The following SYNDIG1 variants were observed in gnomAD, a reference collection of about 807,000 sequenced individuals.
SYNDIG1 encodes the protein synapse differentiation inducing 1.
Under a neutral mutation model 19.4 loss-of-function variants are expected in SYNDIG1, and 9 were observed. The ratio of observed to expected loss-of-function variants is 0.46; its 90% CI spans 0.28 to 0.81. The LOEUF (loss-of-function observed/expected upper bound fraction) is 0.81. Among genes scored for constraint, SYNDIG1 ranks in the 30% least tolerant of loss-of-function variants. SYNDIG1 has a pLI of 0.12. For synonymous variants in SYNDIG1, 141 were observed against 145.9 expected (o/e 0.97, Z 0.24); for missense variants, 311 against 343.3 (o/e 0.91, Z 0.74).
intron 2 of SYNDIG1, among the ~76,000 whole-genome samples, chr20:24,547,335 G>A (rs2057599748): frequency 6.6e-6 from 1 of 152,232 alleles, no homozygotes; most frequent in Admixed American, 6.5e-5. Context: ...AAGGGCATGT[G>A]GAGCGTTCAG....
At chr20:24,584,669 C>T (rs1433147473) in intron 2 of SYNDIG1, among the ~76,000 whole-genome samples, 187 bp from the exon 3 acceptor site, 1 of 152,232 alleles carries the variant, frequency 6.6e-6, no homozygotes, top group African/African-American at 2.4e-5. Context: ...TTTCCTTGGC[C>T]TGGCTGCCCT....
At position 24,639,193 on chromosome 20, in the gene SYNDIG1, G is replaced by A. The variant is rs570327430; in HGVS notation, c.619-26153G>A. On this transcript the variant is annotated intron_variant, in intron 3 of 3. Coordinates refer to ENST00000376862, the MANE Select transcript of SYNDIG1 (RefSeq NM_024893.3). Reference sequence around the variant, plus strand: ...AAATGCTCCCAGAGTGAGGTAAGACGCAGGCAGGGAGAACGTGACAGGCTC... The same window carrying A: ...AAATGCTCCCAGAGTGAGGTAAGACACAGGCAGGGAGAACGTGACAGGCTC... Among the ~76,000 whole-genome samples the A allele has an allele frequency of 3.3e-5, 5 of 152,340 alleles. No individual in the cohort carries two copies. The South Asian group carries it at 6.2e-4, about 19-fold the overall frequency.
intron 2 of SYNDIG1, among the ~76,000 whole-genome samples, chr20:24,558,613 A>G (rs971231901): frequency 5.3e-5 from 8 of 152,060 alleles, no homozygotes; most frequent in African/African-American, 1.7e-4. Context: ...TTGTTTCTCT[A>G]CTTCTTCTTA....
At chr20:24,498,088 G>A (rs1385338185) in intron 1 of SYNDIG1, among the ~76,000 whole-genome samples, 1 of 152,196 alleles carries the variant, frequency 6.6e-6, no homozygotes, top group Non-Finnish European at 1.5e-5. Context: ...TGATCTCACA[G>A]CCCAGCCTTT....
chr20:24,637,313 C>T (rs545549570), intron 3 of SYNDIG1, among the ~76,000 whole-genome samples: 11 of 152,310 alleles, frequency 7.2e-5, no homozygotes, highest in Admixed American at 3.3e-4. Context: ...TGGTAATTTA[C>T]GATTCCTTCC....
intron 3 of SYNDIG1, among the ~76,000 whole-genome samples, chr20:24,591,257 G>A (rs2058507818): frequency 6.6e-6 from 1 of 152,092 alleles, no homozygotes; most frequent in Admixed American, 6.5e-5. Flanking sequence ...AGCTGAGCGT[G>A]GTGGCTCATG....
chr20:24,524,589 T>G (rs1411706812), intron 1 of SYNDIG1, among the ~76,000 whole-genome samples: 1 of 150,248 alleles, frequency 6.7e-6, no homozygotes, highest in African/African-American at 2.5e-5. Flanking sequence ...GAGCTTACAG[T>G]GAGCTGAGAT....
intron 1 of SYNDIG1, among the ~76,000 whole-genome samples, chr20:24,542,329 T>G (rs1040293230): frequency 6.6e-6 from 1 of 152,238 alleles, no homozygotes; most frequent in African/African-American, 2.4e-5. Flanking sequence ...CCTCCTCAGC[T>G]TTAATGTGCA....
At chr20:24,495,273 C>G (rs1254681407) in intron 1 of SYNDIG1, 1 of 152,266 alleles carries the variant, frequency 6.6e-6, no homozygotes, top group Non-Finnish European at 1.5e-5. Context: ...CCTCAGCTCA[C>G]TTCTGACCTG....
intron 3 of SYNDIG1, among the ~76,000 whole-genome samples, chr20:24,619,413 T>C (rs1200079131): frequency 6.6e-6 from 1 of 152,256 alleles, no homozygotes; most frequent in East Asian, 1.9e-4. Flanking sequence ...GTTGCTGTTA[T>C]GAAAGGAGCT....
chr20:24,626,784 C>T (rs546196245), intron 3 of SYNDIG1, among the ~76,000 whole-genome samples: 16 of 152,302 alleles, frequency 1.1e-4, no homozygotes, highest in African/African-American at 3.6e-4. Context: ...AGCCTGGGCA[C>T]CATTGAGCAC....
intron 1 of SYNDIG1, among the ~76,000 whole-genome samples, chr20:24,538,625 A>G (rs1277417040): frequency 2.0e-5 from 3 of 152,120 alleles, no homozygotes; most frequent in Non-Finnish European, 2.9e-5. Flanking sequence ...CCAGAAGTGG[A>G]ATTTCTGGAC....
At chr20:24,522,337 C>A (rs909529382) in intron 1 of SYNDIG1, among the ~76,000 whole-genome samples, 9 of 152,180 alleles carry the variant, frequency 5.9e-5, no homozygotes, top group African/African-American at 2.2e-4. Context: ...GCGATCCTCC[C>A]ACCTTTGCCT....
At chr20:24,480,804 A>C (rs2055775965) in intron 1 of SYNDIG1, among the ~76,000 whole-genome samples, 1 of 152,218 alleles carries the variant, frequency 6.6e-6, no homozygotes, top group African/African-American at 2.4e-5. Flanking sequence ...TTGAAAAGAA[A>C]AGAAATTCTG....
chr20:24,564,195 A>G (rs2057998669), intron 2 of SYNDIG1, among the ~76,000 whole-genome samples: 1 of 152,196 alleles, frequency 6.6e-6, no homozygotes, highest in Non-Finnish European at 1.5e-5. Context: ...CAGAAGAAAC[A>G]CATTATTTGA....
At chr20:24,493,544 ATTTGT>A (rs2056216418) in intron 1 of SYNDIG1, among the ~76,000 whole-genome samples, 1 of 152,248 alleles carries the variant, frequency 6.6e-6, no homozygotes, top group African/African-American at 2.4e-5. Context: ...GTTTAAGTAG[ATTTGT>A]TTTAACTACA....
intron 3 of SYNDIG1, among the ~76,000 whole-genome samples, chr20:24,616,910 T>TA (rs1021529460): frequency 6.6e-6 from 1 of 152,130 alleles, no homozygotes; most frequent in African/African-American, 2.4e-5. Flanking sequence ...GCCATCCTTG[T>TA]AGGGTTTGAA....
intron 3 of SYNDIG1, among the ~76,000 whole-genome samples, chr20:24,627,105 G>C (rs555032016): frequency 1.3e-5 from 2 of 149,982 alleles, no homozygotes; most frequent in Non-Finnish European, 3.0e-5. Flanking sequence ...GAGGGGGACC[G>C]TGGGGAGAGG....
intron 2 of SYNDIG1, among the ~76,000 whole-genome samples, chr20:24,560,297 C>G (rs1037683739): frequency 1.3e-5 from 2 of 151,918 alleles, no homozygotes; most frequent in Middle Eastern, 3.2e-3. Context: ...ACTCTCCTCT[C>G]CTTTTCAAAA....
Sources: gnomAD v4.1 joint callset for allele counts (sites outside exome capture counted in the v4.1 genomes callset) on GRCh38, gnomAD v4.1.1 for gene constraint, MANE v1.5 for transcripts, NCBI Gene and HGNC (gene_info 2026-07-23, HGNC 2026-07-21) for gene names.